Variants in ANKRD26 observed in about 807,000 individuals in gnomAD.
ANKRD26 encodes ankyrin repeat domain-containing protein 26.
In ANKRD26, 141 loss-of-function variants were observed where a neutral mutation model predicts 208.7. The observed-to-expected ratio is 0.68, with a 90% CI of 0.59 to 0.78. The LOEUF is 0.78. Among genes scored for constraint, ANKRD26 ranks in the 30% least tolerant of loss-of-function variants. ANKRD26 has a pLI of 0.00. For synonymous variants in ANKRD26, 636 were observed against 660.4 expected (o/e 0.96, Z 0.57); for missense variants, 1,889 against 1,938.7 (o/e 0.97, Z 0.48).
intron 20 of ANKRD26, among the ~76,000 whole-genome samples, chr10:27,042,798 C>CAAAA (rs60850386): frequency 2.2e-4 from 11 of 48,942 alleles, no homozygotes; most frequent in East Asian, 9.4e-4. Flanking sequence ...CAAAAAAATA[C>CAAAA]AAAAAAAAAA....
At chr10:27,037,540 A>G (rs938289399) in intron 22 of ANKRD26, among the ~76,000 whole-genome samples, 9 of 152,238 alleles carry the variant, frequency 5.9e-5, no homozygotes, top group Non-Finnish European at 8.8e-5. Context: ...AGGCAAATAT[A>G]GAATTGTGAA....
At chr10:27,088,660 C>T (rs560276659) in intron 4 of ANKRD26, among the ~76,000 whole-genome samples, 1 of 152,032 alleles carries the variant, frequency 6.6e-6, no homozygotes, top group Non-Finnish European at 1.5e-5. Context: ...ACTACTCCAG[C>T]GAAGGACAAT....
chr10:26,981,507 C>T (rs138708096), intron 4 of ANKRD26, among the ~76,000 whole-genome samples: 11 of 152,054 alleles, frequency 7.2e-5, no homozygotes, highest in South Asian at 2.1e-4. Context: ...TCCTGGACCA[C>T]GAAAAAAAGG....
chr10:27,052,318 A>G (rs1414995439), intron 16 of ANKRD26: 2 of 281,212 alleles, frequency 7.1e-6, no homozygotes, highest in Non-Finnish European at 1.1e-5. Context: ...TAAGTTTATC[A>G]CTGTTCCTTT....
At position 27,033,344 on chromosome 10, in the gene ANKRD26, C is replaced by A; in HGVS notation, c.3688G>T (p.Asp1230Tyr). Residue 1230 changes from aspartate (D) to tyrosine (Y), a missense_variant, in exon 25 of 34, where the codon GAT becomes TAT. Physicochemically the swap from Asp to Tyr is radical, Grantham distance 160. This residue lies in a region of ANKRD26 where 613 missense variants were observed against 648.2 expected (regional missense o/e 0.95). Coordinates refer to ENST00000376087, the MANE Select transcript of ANKRD26 (RefSeq NM_014915.3). ...GACATAGATTGTTTTTTTAGGGTAT[C>A]AGCTAGTTCTTGTTGAAGTTGTCTC... is the stretch of plus-strand genomic sequence containing the variant. ...VVRQLQQELA[D>Y]TLKKQSMSEA... The A allele has an allele frequency of 6.2e-7, 1 of 1,610,544 alleles. No homozygotes were observed. The highest frequency in any genetic ancestry group is 8.5e-7 in the Non-Finnish European group (1 of 1,177,764).
downstream of ANKRD26, among the ~76,000 whole-genome samples, chr10:27,000,109 G>GT (rs58632150): frequency 0.024 from 3,605 of 152,162 alleles, 122 homozygotes; most frequent in African/African-American, 0.082. Context: ...CAGGAAAAAA[G>GT]TTTTTTACAG....
intron 23 of ANKRD26, 40 bp downstream of exon 23, chr10:27,037,146 T>C (rs909573187): frequency 1.9e-6 from 3 of 1,599,036 alleles, no homozygotes; most frequent in African/African-American, 1.3e-5. Context: ...TAAATACATA[T>C]ACACACATAT....
chr10:27,028,985 A>T, intron 26 of ANKRD26, 40 bp from the exon 27 acceptor site: 1 of 1,478,042 alleles, frequency 6.8e-7, no homozygotes, highest in African/African-American at 1.4e-5. Context: ...TCACAGATAA[A>T]TTTTTAAAAT....
At chr10:26,949,998 T>G in the ANKRD26 span, among the ~76,000 whole-genome samples, 2 of 152,242 alleles carry the variant, frequency 1.3e-5, no homozygotes, top group Non-Finnish European at 1.5e-5. Context: ...TATTTCAGCA[T>G]TCTGCATTTT....
At chr10:27,065,859 C>CT (rs767106612) in intron 11 of ANKRD26, among the ~76,000 whole-genome samples, 12,171 of 73,002 alleles carry the variant, frequency 0.17, 1,355 homozygotes, top group East Asian at 0.26. Context: ...ATAATTCTTT[C>CT]TTTTTTTTTT....
downstream of ANKRD26, among the ~76,000 whole-genome samples, chr10:26,972,588 C>CTT (rs773904333): frequency 9.7e-3 from 1,181 of 121,936 alleles, 37 homozygotes; most frequent in East Asian, 0.076. Context: ...CAAAGTGATT[C>CTT]TTTTTTTTTT....
intron 19 of ANKRD26, 98 bp from the exon 20 acceptor site, chr10:27,043,665 G>C: frequency 1.6e-6 from 2 of 1,234,734 alleles, no homozygotes; most frequent in Non-Finnish European, 2.3e-6. Context: ...CAAAAACACA[G>C]GTATTTCTTA....
the ANKRD26 span, among the ~76,000 whole-genome samples, chr10:26,950,982 G>GTA: frequency 2.6e-5 from 3 of 115,700 alleles, no homozygotes; most frequent in African/African-American, 1.2e-4. Flanking sequence ...TTTTCACTTT[G>GTA]TATTATCCCT....
chr10:27,081,947 A>G (rs1007482462), intron 6 of ANKRD26, among the ~76,000 whole-genome samples: 2 of 151,640 alleles, frequency 1.3e-5, no homozygotes, highest in African/African-American at 4.8e-5. Flanking sequence ...CGTGTTAGCC[A>G]GGCTGGTCTC....
chr10:27,082,727 C>T (rs2055969890), intron 6 of ANKRD26, 76 bp downstream of exon 6: 2 of 1,510,364 alleles, frequency 1.3e-6, no homozygotes, highest in Non-Finnish European at 1.8e-6. Flanking sequence ...ATGGTGTCTA[C>T]CCAGAGTAGG....
At chr10:27,046,283 C>A in intron 18 of ANKRD26, 70 bp downstream of exon 18, 4 of 1,446,762 alleles carry the variant, frequency 2.8e-6, no homozygotes, top group Non-Finnish European at 3.8e-6. Context: ...GAGACTACAT[C>A]ATTCTATTTT....
Position 27,077,397 on chromosome 10 carries a change from A to C in ANKRD26, c.1018T>G (p.Ser340Ala). The C allele has an allele frequency of 6.2e-7, 1 of 1,614,068 alleles. No individual in the cohort carries two copies. Among genetic ancestry groups the C allele is most frequent in the Non-Finnish European group, 8.5e-7 (1 of 1,179,960 alleles). The change falls in exon 9 of 34, where the codon TCA (serine) becomes GCA (alanine). Residue 340 changes from serine to alanine, a missense_variant. Physicochemically the swap from Ser to Ala is moderately conservative, Grantham distance 99. Transcript: ENST00000376087. ...GAAGGTTTTGGAAGAAGGTCAGGTG[A>C]TTGATAGGTAGGATGAGAAAAGCAC... is the stretch of plus-strand genomic sequence containing the variant. Reference protein sequence around the residue: ...VQCFSHPTYQSPDLLPKPSHK... With the variant: ...VQCFSHPTYQAPDLLPKPSHK...
At chr10:27,018,820 A>G (rs970249526) in intron 29 of ANKRD26, among the ~76,000 whole-genome samples, 1 of 152,196 alleles carries the variant, frequency 6.6e-6, no homozygotes, top group African/African-American at 2.4e-5. Flanking sequence ...ATCGAACACC[A>G]TATACTAAAA....
Position 27,013,095 on chromosome 10 carries a change from T to C in ANKRD26, c.4740A>G (p.Leu1580=). The C allele has an allele frequency of 1.2e-6, 2 of 1,613,838 alleles. No individual in the cohort carries two copies. The highest frequency in any genetic ancestry group is 1.7e-6 in the Non-Finnish European group (2 of 1,179,826). ...CAAGAAGTTTGGTGTTGACCTCTGC[T>C]AGCCTCTCATTAGTTCTGTGAAGAT... ...SSKLTKTNER[L]AEVNTKLLVE... The change falls in exon 32 of 34, where the codon CTA becomes CTG. Residue 1580 remains leucine, a synonymous_variant. Coordinates refer to ENST00000376087, the MANE Select transcript of ANKRD26 (RefSeq NM_014915.3).
Sources: allele counts gnomAD v4.1 joint callset (sites outside exome capture counted in the v4.1 genomes callset), GRCh38; gene constraint gnomAD v4.1.1; regional missense constraint gnomAD v4.1.1; transcripts MANE v1.5; gene names NCBI Gene and HGNC (gene_info 2026-07-23, HGNC 2026-07-21).